SLC39A11: variants seen among roughly 807,000 people sequenced by gnomAD.
SLC39A11 encodes the protein solute carrier family 39 member 11, also known as zinc transporter ZIP11.
A neutral mutation model predicts 36.1 loss-of-function variants in SLC39A11; 33 were observed. That is an observed-to-expected ratio of 0.91 (90% CI 0.69 to 1.22). SLC39A11 has a LOEUF of 1.22. Ranked by LOEUF, SLC39A11 falls within the 50% of genes most tolerant of loss-of-function variation. The probability of loss-of-function intolerance (pLI) is 0.00; values close to 1 mark genes in which losing one functional copy is unlikely to be tolerated. For missense variants in SLC39A11, 432 were observed against 430.3 expected, an observed-to-expected ratio of 1.00 and a Z score of -0.03; for synonymous variants, 166 against 170.3, an observed-to-expected ratio of 0.97 and a Z score of 0.20.
At position 72,900,183 on chromosome 17, in the gene SLC39A11, AAG is replaced by A. The variant is rs1225803755; in HGVS notation, c.430+47567_430+47568del. On this transcript the variant is annotated intron_variant, in intron 5 of 9. Coordinates refer to ENST00000255559, the MANE Select transcript of SLC39A11 (RefSeq NM_139177.4). ...AAAGAAAGAAAGAAAGAAAGAAAGAAAGAAAGAAAGAAAGAAAGAAAGAAAGA... is the reference window on the plus strand; with the variant it reads ...AAAGAAAGAAAGAAAGAAAGAAAGAAAAAGAAAGAAAGAAAGAAAGAAAGA... Among the ~76,000 whole-genome samples the A allele has an allele frequency of 8.4e-4, 125 of 149,134 alleles. 22 individuals carry two copies. The highest frequency in any genetic ancestry group is 3.4e-3 in the Middle Eastern group (1 of 294).
At chr17:72,673,724 T>G (rs1327711317) in intron 7 of SLC39A11, among the ~76,000 whole-genome samples, 1 of 152,168 alleles carries the variant, frequency 6.6e-6, no homozygotes, top group Non-Finnish European at 1.5e-5. Flanking sequence ...TTTATTGATT[T>G]GGGGCAATGT....
chr17:72,665,410 T>TTTTTTTTTG (rs2070706791), intron 7 of SLC39A11, among the ~76,000 whole-genome samples: 1 of 146,290 alleles, frequency 6.8e-6, no homozygotes, highest in Admixed American at 6.8e-5. Context: ...TTTTTTTTTT[T>TTTTTTTTTG]GAGACAGGGT....
At chr17:73,085,923 C>T (rs539848343) in intron 2 of SLC39A11, among the ~76,000 whole-genome samples, 6 of 152,228 alleles carry the variant, frequency 3.9e-5, no homozygotes, top group South Asian at 2.1e-4. Context: ...GCGATGGGAA[C>T]GCACACACAT....
intron 7 of SLC39A11, among the ~76,000 whole-genome samples, chr17:72,655,013 C>A (rs181577099): frequency 5.9e-5 from 9 of 152,344 alleles, no homozygotes; most frequent in Admixed American, 2.6e-4. Flanking sequence ...CTTGCCCCAG[C>A]CCTGGCACGG....
chr17:72,782,225 A>G (rs2076341946), intron 6 of SLC39A11, among the ~76,000 whole-genome samples: 2 of 152,152 alleles, frequency 1.3e-5, no homozygotes, highest in Admixed American at 6.5e-5. Context: ...TGCAGCTATG[A>G]GCCAAGAACA....
intron 3 of SLC39A11, among the ~76,000 whole-genome samples, chr17:73,038,735 G>T (rs1350137333): frequency 7.7e-6 from 1 of 130,234 alleles, no homozygotes; most frequent in African/African-American, 2.8e-5. Context: ...GAGAGAGAGA[G>T]AAAGAAAGGA....
chr17:73,024,769 C>A (rs1289766934), intron 4 of SLC39A11, among the ~76,000 whole-genome samples: 1 of 151,936 alleles, frequency 6.6e-6, no homozygotes, highest in Non-Finnish European at 1.5e-5. Flanking sequence ...GTGATCCCGG[C>A]TCACTGAAGC....
intron 9 of SLC39A11, among the ~76,000 whole-genome samples, chr17:72,648,583 C>T (rs564197933): frequency 2.4e-4 from 36 of 152,270 alleles, no homozygotes; most frequent in African/African-American, 8.2e-4. Flanking sequence ...GTGTATGCCA[C>T]TGCCTGGTGT....
intron 6 of SLC39A11, among the ~76,000 whole-genome samples, chr17:72,755,180 G>A (rs548094769): frequency 2.6e-5 from 4 of 152,342 alleles, no homozygotes; most frequent in African/African-American, 9.6e-5. Context: ...CTTTCAAACA[G>A]CTGCTGGGAT....
intron 5 of SLC39A11, among the ~76,000 whole-genome samples, chr17:72,927,312 T>C (rs1482298314): frequency 6.6e-6 from 1 of 152,212 alleles, no homozygotes; most frequent in East Asian, 1.9e-4. Flanking sequence ...TCCACGCACC[T>C]TGGCCTCCCA....
rs371612231 is a variant in SLC39A11 at position 72,736,664 on chromosome 17, G to C, written c.657C>G (p.Thr219=). 1.0e-4 allele frequency: 161 copies of C among 1,613,918 alleles called. No individual in the cohort carries two copies. Among genetic ancestry groups the C allele is most frequent in the Non-Finnish European group, 1.3e-4 (148 of 1,179,936 alleles). ...FGAIEKTASA[T]FESARNLAIG... ...TGCTGGCTTACCTGGCACTCTCAAAGGTAGCAGATGCCGTCTTTTCTATAG... is the reference window on the plus strand; with the variant it reads ...TGCTGGCTTACCTGGCACTCTCAAACGTAGCAGATGCCGTCTTTTCTATAG... The change falls in exon 7 of 10, where the codon ACC becomes ACG. Residue 219 remains threonine (T), a synonymous_variant. Coordinates refer to ENST00000255559, the MANE Select transcript of SLC39A11 (RefSeq NM_139177.4).
intron 4 of SLC39A11, among the ~76,000 whole-genome samples, chr17:73,011,340 G>C (rs1393388953): frequency 6.6e-6 from 1 of 152,206 alleles, no homozygotes; most frequent in Non-Finnish European, 1.5e-5. Context: ...GCTGCAGACG[G>C]CAGTTAGGGC....
At chr17:72,679,321 G>A (rs1028649071) in intron 7 of SLC39A11, among the ~76,000 whole-genome samples, 1 of 152,198 alleles carries the variant, frequency 6.6e-6, no homozygotes, top group African/African-American at 2.4e-5. Context: ...GCTGTGATGG[G>A]TATCTCAGTT....
chr17:72,816,833 A>G (rs1335038059), intron 6 of SLC39A11, among the ~76,000 whole-genome samples: 1 of 152,192 alleles, frequency 6.6e-6, no homozygotes, highest in Non-Finnish European at 1.5e-5. Context: ...CCCAGGCCCA[A>G]GCTTAATGGG....
chr17:72,745,830 G>C (rs1332520683), intron 6 of SLC39A11, among the ~76,000 whole-genome samples: 1 of 152,118 alleles, frequency 6.6e-6, no homozygotes, highest in African/African-American at 2.4e-5. Flanking sequence ...ATTTAAAAAA[G>C]TATTTAAATT....
chr17:72,734,646 C>A (rs757724537), intron 7 of SLC39A11, among the ~76,000 whole-genome samples: 138 of 152,274 alleles, frequency 9.1e-4, no homozygotes, highest in Non-Finnish European at 1.5e-3. Context: ...TTCCAAAATA[C>A]TTATAAAGAC....
intron 4 of SLC39A11, among the ~76,000 whole-genome samples, chr17:72,960,202 G>T (rs1163452364): frequency 6.6e-6 from 1 of 152,000 alleles, no homozygotes; most frequent in East Asian, 1.9e-4. Flanking sequence ...TTTATCCAGG[G>T]GAAAAGGCAC....
At chr17:72,709,482 T>C (rs1015703242) in intron 7 of SLC39A11, among the ~76,000 whole-genome samples, 1 of 152,222 alleles carries the variant, frequency 6.6e-6, no homozygotes, top group Admixed American at 6.5e-5. Context: ...GGCTGCTCTT[T>C]CACCTATTGC....
chr17:72,976,057 C>G lies in SLC39A11; in HGVS notation c.307-28182G>C, dbSNP rs2087819952. 2.7e-5 allele frequency among the ~76,000 whole-genome samples: 4 copies of G among 150,718 alleles called. No homozygotes were observed. The Admixed American group carries it at 2.7e-4, about 10-fold the overall frequency. ...TGGTGGCGGGCACCTGTAGTCCCAG[C>G]TACTCGGGAGGCTGAGGCAGGAGAA... is the stretch of plus-strand genomic sequence containing the variant. On this transcript the variant is annotated intron_variant, in intron 4 of 9. Transcript: ENST00000255559.
Sources: allele counts gnomAD v4.1 joint callset (sites outside exome capture counted in the v4.1 genomes callset), GRCh38; gene constraint gnomAD v4.1.1; transcripts MANE v1.5; gene names NCBI Gene and HGNC (gene_info 2026-07-23, HGNC 2026-07-21).